The following KRAS variants were observed in gnomAD, a reference collection of about 807,000 sequenced individuals.
KRAS encodes the protein GTPase KRas.
A neutral mutation model predicts 21.0 loss-of-function variants in KRAS; 1 was observed. That is an observed-to-expected ratio of 0.05 (90% CI 0.02 to 0.23). KRAS has a LOEUF of 0.23. Ranked by LOEUF, KRAS falls within the 10% of genes least tolerant of loss-of-function variation. KRAS has a pLI of 1.00. For missense variants in KRAS, 107 were observed against 221.8 expected (o/e 0.48, Z 3.29); for synonymous variants, 67 against 72.5 (o/e 0.92, Z 0.39).
At chr12:25,245,131 T>C in intron 2 of KRAS, 143 bp downstream of exon 2, 1 of 915,704 alleles carries the variant, frequency 1.1e-6, no homozygotes, top group Non-Finnish European at 1.7e-6. Context: ...ACATATAACT[T>C]GAAACCCAAG....
chr12:25,214,262 A>G (rs1951229934), intron 4 of KRAS, among the ~76,000 whole-genome samples: 1 of 152,224 alleles, frequency 6.6e-6, no homozygotes, highest in South Asian at 2.1e-4. Context: ...TAGAAGAACA[A>G]AAGAAATTCA....
At chr12:25,231,933 C>CT (rs1951477237) in intron 2 of KRAS, among the ~76,000 whole-genome samples, 2 of 152,136 alleles carry the variant, frequency 1.3e-5, no homozygotes, top group African/African-American at 2.4e-5. Context: ...AATAAAGATT[C>CT]TGTTCCAACT....
At chr12:25,235,548 G>T (rs1951533511) in intron 2 of KRAS, among the ~76,000 whole-genome samples, 1 of 152,158 alleles carries the variant, frequency 6.6e-6, no homozygotes, top group South Asian at 2.1e-4. Flanking sequence ...AAGGTGAGTG[G>T]AAGAGACATG....
chr12:25,217,902 T>C (rs906917869), intron 4 of KRAS, among the ~76,000 whole-genome samples: 1 of 152,010 alleles, frequency 6.6e-6, no homozygotes, highest in Non-Finnish European at 1.5e-5. Context: ...TCTAAAAAAA[T>C]TTTTTTAATC....
chr12:25,240,573 T>C (rs957415652), intron 2 of KRAS, among the ~76,000 whole-genome samples: 21 of 152,208 alleles, frequency 1.4e-4, no homozygotes, highest in African/African-American at 4.8e-4. Flanking sequence ...TGGTCTGTTT[T>C]GCGCCTCAGT....
At chr12:25,217,009 A>G (rs1478332922) in intron 4 of KRAS, among the ~76,000 whole-genome samples, 1 of 152,216 alleles carries the variant, frequency 6.6e-6, no homozygotes, top group Non-Finnish European at 1.5e-5. Flanking sequence ...ATTAAGAATA[A>G]ATTACCTAAT....
At position 25,207,511 on chromosome 12, in the gene KRAS, A is replaced by G. The variant is rs918649606; in HGVS notation, c.*2284T>C. The G allele has an allele frequency of 1.6e-4, 12 of 73,568 alleles. No homozygotes were observed. The Admixed American group carries it at 2.7e-3, about 16-fold the overall frequency. The allele number at this position is 73,568 out of a possible 1,614,324, so 4.6% of individuals were successfully genotyped here. A position where few individuals can be genotyped will look rare whatever the true frequency, so the allele number is the denominator to read the frequency against. On this transcript the variant is annotated 3_prime_UTR_variant, in exon 5 of 5. Coordinates refer to ENST00000311936, the MANE Select transcript of KRAS (RefSeq NM_004985.5). ...CCTGGGTGACAAGAGCGAGACTCTG[A>G]CACCAAAAAAAAAAAGTAAGCTTCA...
chr12:25,239,804 G>C (rs1032738712), intron 2 of KRAS, among the ~76,000 whole-genome samples: 40 of 151,982 alleles, frequency 2.6e-4, no homozygotes, highest in African/African-American at 9.4e-4. Flanking sequence ...AATACAAAAA[G>C]TAATTGGGTG....
intron 4 of KRAS, among the ~76,000 whole-genome samples, chr12:25,213,438 A>G (rs1299454858): frequency 6.6e-6 from 1 of 152,224 alleles, no homozygotes; most frequent in African/African-American, 2.4e-5. Flanking sequence ...GTATTGTTAA[A>G]TTTGCAATAT....
At chr12:25,249,345 C>T (rs1040656545) in intron 1 of KRAS, among the ~76,000 whole-genome samples, 1 of 151,990 alleles carries the variant, frequency 6.6e-6, no homozygotes, top group Non-Finnish European at 1.5e-5. Flanking sequence ...TGCAGTGAGC[C>T]GAGACGGCGC....
chr12:25,230,998 CAG>C (rs888090131), intron 2 of KRAS, among the ~76,000 whole-genome samples: 4 of 151,130 alleles, frequency 2.6e-5, no homozygotes, highest in East Asian at 1.9e-4. Context: ...GAGCAAAGCA[CAG>C]AGTCTTAGAG....
intron 4 of KRAS, among the ~76,000 whole-genome samples, chr12:25,224,244 G>A (rs576129282): frequency 7.3e-5 from 11 of 149,932 alleles, no homozygotes; most frequent in African/African-American, 2.7e-4. Context: ...GGTCCTTCAG[G>A]AGGTATTCCA....
In KRAS at chr12:25,208,352, T is replaced by C. The variant is rs1276279993; in HGVS notation, c.*1443A>G. On this transcript the variant is annotated 3_prime_UTR_variant, in exon 5 of 5. Coordinates refer to ENST00000311936, the MANE Select transcript of KRAS (RefSeq NM_004985.5). Reference sequence around the variant, plus strand: ...TTCATTTATTTTAAAATAAGTAACATTTTAAATTTATCAAAAGGATTGTTT... The same window carrying C: ...TTCATTTATTTTAAAATAAGTAACACTTTAAATTTATCAAAAGGATTGTTT... The C allele has an allele frequency of 8.6e-6, 2 of 232,992 alleles. No homozygotes were observed. The highest frequency in any genetic ancestry group is 1.7e-5 in the Non-Finnish European group (2 of 117,756). The allele number at this position is 232,992 out of a possible 1,614,324, so 14.4% of individuals were successfully genotyped here. A position where few individuals can be genotyped will look rare whatever the true frequency, so the allele number is the denominator to read the frequency against.
intron 1 of KRAS, among the ~76,000 whole-genome samples, chr12:25,248,011 A>G (rs747170758): frequency 5.3e-5 from 8 of 152,152 alleles, no homozygotes; most frequent in Non-Finnish European, 7.4e-5. Flanking sequence ...AACAAATCAA[A>G]GATTTTTTTT....
chr12:25,246,350 G>A (rs1216521400), intron 1 of KRAS, among the ~76,000 whole-genome samples: 2 of 152,086 alleles, frequency 1.3e-5, no homozygotes, highest in Non-Finnish European at 2.9e-5. Flanking sequence ...CTGAGGCCAG[G>A]AGTTCAAGAC....
In KRAS at chr12:25,209,269, G is replaced by GT; in HGVS notation, c.*525dup. The stretch of plus-strand genomic sequence containing the variant: ...AGGAGACAAAACCTTTGTGAACAGT[G>GT]TAACTTTACATTCATCAGGGATGAC... On this transcript the variant is annotated 3_prime_UTR_variant, in exon 5 of 5. Transcript: ENST00000311936. The GT allele has an allele frequency of 1.5e-6, 1 of 675,162 alleles. No homozygotes were observed. Among genetic ancestry groups the GT allele is most frequent in the East Asian group, 2.8e-5 (1 of 36,306 alleles). 41.8% of individuals were successfully genotyped at this position (675,162 alleles called of 1,614,324 possible).
At chr12:25,236,159 C>G (rs191223052) in intron 2 of KRAS, among the ~76,000 whole-genome samples, 4 of 151,974 alleles carry the variant, frequency 2.6e-5, no homozygotes, top group Non-Finnish European at 5.9e-5. Context: ...ACTGGACAAT[C>G]AAGCAGGGGC....
chr12:25,208,822 C>A lies in KRAS; in HGVS notation c.*973G>T, dbSNP rs61763590. On this transcript the variant is annotated 3_prime_UTR_variant, in exon 5 of 5. Coordinates refer to ENST00000311936, the MANE Select transcript of KRAS (RefSeq NM_004985.5). Reference sequence around the variant, plus strand: ...CCTTGCAACCTTGGTCTCTTCAACACCTAATAAGCTATAACTGGCCCAAAT... The same window carrying A: ...CCTTGCAACCTTGGTCTCTTCAACAACTAATAAGCTATAACTGGCCCAAAT... 14,724 of 236,448 alleles carry A rather than the reference C, an allele frequency of 0.062. 508 individuals are homozygous for A. Among genetic ancestry groups the A allele is most frequent in the South Asian group, 0.097 (563 of 5,780 alleles). The allele number at this position is 236,448 out of a possible 1,614,324, so 14.6% of individuals were successfully genotyped here. A position where few individuals can be genotyped will look rare whatever the true frequency, so the allele number is the denominator to read the frequency against.
intron 1 of KRAS, among the ~76,000 whole-genome samples, chr12:25,246,206 T>A (rs1162636447): frequency 6.9e-6 from 1 of 144,188 alleles, no homozygotes; most frequent in African/African-American, 2.6e-5. Flanking sequence ...CCAAGAGAAC[T>A]CCGAATTAAC....
Sources: gnomAD v4.1 joint callset for allele counts (sites outside exome capture counted in the v4.1 genomes callset) on GRCh38, gnomAD v4.1.1 for gene constraint, MANE v1.5 for transcripts, NCBI Gene and HGNC (gene_info 2026-07-23, HGNC 2026-07-21) for gene names.